Variants in PIK3AP1 observed in about 807,000 individuals in gnomAD.
PIK3AP1 encodes phosphoinositide-3-kinase adaptor protein 1, also known as phosphoinositide 3-kinase adapter protein 1.
PIK3AP1 carries 21 observed loss-of-function variants against 88.1 expected under a neutral mutation model. That is an observed-to-expected ratio of 0.24 (90% CI 0.17 to 0.34). PIK3AP1 has a LOEUF of 0.34. PIK3AP1 is among the 10% of genes least tolerant of loss of function. The pLI is 1.00. For synonymous variants in PIK3AP1, 398 were observed against 400.0 expected (o/e 1.00, Z 0.06); for missense variants, 828 against 1,035.7 (o/e 0.80, Z 2.75).
intron 11 of PIK3AP1, 85 bp from the exon 12 acceptor site, chr10:96,620,642 A>C (rs1843066895): frequency 8.7e-7 from 1 of 1,151,176 alleles, no homozygotes; most frequent in Non-Finnish European, 1.3e-6. Context: ...GGCTGGTCAC[A>C]GGCTCAAGAG....
intron 8 of PIK3AP1, among the ~76,000 whole-genome samples, chr10:96,629,927 A>AAAAAAAAAAAAAAAAAAAAAG (rs1564961851): frequency 6.8e-5 from 1 of 14,644 alleles, no homozygotes; most frequent in Non-Finnish European, 1.8e-4. Context: ...AAAAAAAAAA[A>AAAAAAAAAAAAAAAAAAAAAG]AAAAAGAAGA....
At chr10:96,612,982 A>ATTTT (rs3979626) in intron 13 of PIK3AP1, among the ~76,000 whole-genome samples, 1 of 34,800 alleles carries the variant, frequency 2.9e-5, no homozygotes, top group African/African-American at 1.2e-4. Flanking sequence ...ATATATATAT[A>ATTTT]TTTTTTTTTT....
chr10:96,626,359 C>T (rs369401518), intron 10 of PIK3AP1, among the ~76,000 whole-genome samples: 1 of 152,118 alleles, frequency 6.6e-6, no homozygotes, highest in South Asian at 2.1e-4. Context: ...GATTAAATGG[C>T]GTGTTCCAGA....
At chr10:96,645,392 G>A in intron 8 of PIK3AP1, 81 bp downstream of exon 8, 1 of 1,441,162 alleles carries the variant, frequency 6.9e-7, no homozygotes, top group South Asian at 1.2e-5. Flanking sequence ...CATAGGGACT[G>A]CCCCGCGCCA....
At chr10:96,645,117 A>G (rs944582650) in intron 8 of PIK3AP1, among the ~76,000 whole-genome samples, 1 of 152,250 alleles carries the variant, frequency 6.6e-6, no homozygotes, top group African/African-American at 2.4e-5. Flanking sequence ...GGTAGGTTAT[A>G]TAATACATAA....
At chr10:96,666,972 TTCATGAGA>T (rs199616288) in intron 2 of PIK3AP1, among the ~76,000 whole-genome samples, 1,712 of 152,210 alleles carry the variant, frequency 0.011, 34 homozygotes, top group African/African-American at 0.039. Context: ...GACTCTGAAG[TTCATGAGA>T]CACAACCTGG....
chr10:96,682,009 TATATAG>T (rs58010964), intron 2 of PIK3AP1, among the ~76,000 whole-genome samples: 4,903 of 128,590 alleles, frequency 0.038, 144 homozygotes, highest in African/African-American at 0.1. Flanking sequence ...TATATATATA[TATATAG>T]AGAGAGAGAG....
At chr10:96,694,328 TA>T in intron 2 of PIK3AP1, among the ~76,000 whole-genome samples, 1 of 152,250 alleles carries the variant, frequency 6.6e-6, no homozygotes, top group African/African-American at 2.4e-5. Flanking sequence ...ATAAACTCAA[TA>T]AATATTTGAT....
chr10:96,623,448 C>A, intron 11 of PIK3AP1, 24 bp downstream of exon 11: 1 of 1,581,112 alleles, frequency 6.3e-7, no homozygotes, highest in South Asian at 1.1e-5. Context: ...CACAAAAGTT[C>A]AGTTCATATA....
chr10:96,698,389 G>A (rs1844249411), intron 2 of PIK3AP1, among the ~76,000 whole-genome samples: 1 of 152,148 alleles, frequency 6.6e-6, no homozygotes, highest in African/African-American at 2.4e-5. Context: ...TGTGGCTCAC[G>A]CCTGTAATTC....
At chr10:96,639,049 G>C (rs928532712) in intron 8 of PIK3AP1, among the ~76,000 whole-genome samples, 3 of 152,214 alleles carry the variant, frequency 2.0e-5, no homozygotes, top group Middle Eastern at 3.2e-3. Context: ...CATTTCTCAA[G>C]CCGAGAAAAG....
chr10:96,712,743 G>A lies in PIK3AP1; in HGVS notation c.14-2760C>T, dbSNP rs967054205. Among the ~76,000 whole-genome samples the A allele has an allele frequency of 2.0e-5, 3 of 152,256 alleles. No homozygotes were observed. The East Asian group carries it at 5.8e-4, about 29-fold the overall frequency. Reference sequence around the variant, plus strand: ...GTGCGTGCATGGGCACGAGCCATCAGGTAGGACAGGTGCAAGACTTTACAT... The same window carrying A: ...GTGCGTGCATGGGCACGAGCCATCAAGTAGGACAGGTGCAAGACTTTACAT... On this transcript the variant is annotated intron_variant, in intron 1 of 16. Transcript: ENST00000339364.
chr10:96,699,388 C>T (rs941980601), intron 2 of PIK3AP1, among the ~76,000 whole-genome samples: 2 of 152,124 alleles, frequency 1.3e-5, no homozygotes, highest in African/African-American at 4.8e-5. Context: ...GTAATTGTTA[C>T]ATTGCTTATA....
At position 96,707,345 on chromosome 10, in the gene PIK3AP1, T is replaced by C. The variant is rs959542155; in HGVS notation, c.430+2222A>G. 2.2e-4 allele frequency among the ~76,000 whole-genome samples: 34 copies of C among 152,282 alleles called. No homozygotes were observed. The East Asian group carries it at 5.8e-3, about 26-fold the overall frequency. On this transcript the variant is annotated intron_variant, in intron 2 of 16. Coordinates refer to ENST00000339364, the MANE Select transcript of PIK3AP1 (RefSeq NM_152309.3). ...TCTTGCTCTGTCGCCCAGGCTGGAG[T>C]GCAGTGGCACAATTTCGGCTCACTG...
At chr10:96,660,167 A>G (rs1843667150) in intron 2 of PIK3AP1, among the ~76,000 whole-genome samples, 1 of 152,138 alleles carries the variant, frequency 6.6e-6, no homozygotes, top group Non-Finnish European at 1.5e-5. Context: ...TGTCAAAAGA[A>G]TGCAGAGATA....
chr10:96,619,853 CAG>C (rs1843052694), intron 12 of PIK3AP1, among the ~76,000 whole-genome samples: 1 of 152,148 alleles, frequency 6.6e-6, no homozygotes. Flanking sequence ...CATAGAAATA[CAG>C]AGTTTGTGTG....
chr10:96,626,678 C>A lies in PIK3AP1; in HGVS notation c.1669+30G>T, dbSNP rs554259297. ...TCCCTGTTGAGAAGCTCCAAAGACCCAGTTGGACATCATTCCCTGCCATAC... is the reference window on the plus strand; with the variant it reads ...TCCCTGTTGAGAAGCTCCAAAGACCAAGTTGGACATCATTCCCTGCCATAC... On this transcript the variant is annotated intron_variant, in intron 10 of 16. Transcript: ENST00000339364. 2.0e-5 allele frequency: 32 copies of A among 1,606,750 alleles called. No homozygotes were observed. The African/African-American group carries it at 2.3e-4, about 11-fold the overall frequency.
At chr10:96,652,889 G>T in intron 3 of PIK3AP1, 47 bp from the exon 4 acceptor site, 2 of 1,594,410 alleles carry the variant, frequency 1.3e-6, no homozygotes, top group Non-Finnish European at 8.5e-7. Context: ...TCAGATCCCC[G>T]TAGGGTGTTG....
chr10:96,699,440 A>G (rs1844264712), intron 2 of PIK3AP1, among the ~76,000 whole-genome samples: 1 of 152,242 alleles, frequency 6.6e-6, no homozygotes, highest in South Asian at 2.1e-4. Context: ...TACATAAACT[A>G]TATCATTAAA....
Sources: allele counts gnomAD v4.1 joint callset (sites outside exome capture counted in the v4.1 genomes callset), GRCh38; gene constraint gnomAD v4.1.1; transcripts MANE v1.5; gene names NCBI Gene and HGNC (gene_info 2026-07-23, HGNC 2026-07-21).